Variants in SLC9C2 observed in about 807,000 individuals in gnomAD.
The protein encoded by SLC9C2 is solute carrier family 9 member C2 (putative).
SLC9C2 carries 75 observed loss-of-function variants against 140.2 expected under a neutral mutation model. That is an observed-to-expected ratio of 0.53 (90% CI 0.44 to 0.65). The LOEUF (loss-of-function observed/expected upper bound fraction) is 0.65, where lower values mean the gene tolerates loss of function less well. Ranked by LOEUF, SLC9C2 falls within the 30% of genes least tolerant of loss-of-function variation. The pLI, the probability that SLC9C2 is intolerant of heterozygous loss-of-function variation, is 0.00. For synonymous variants in SLC9C2, 375 were observed against 420.9 expected (o/e 0.89, Z 1.34); for missense variants, 1,074 against 1,331.8 (o/e 0.81, Z 3.01).
At chr1:173,574,375 T>A (rs1451635479) in intron 8 of SLC9C2, among the ~76,000 whole-genome samples, 1 of 152,170 alleles carries the variant, frequency 6.6e-6, no homozygotes, top group East Asian at 1.9e-4. Context: ...GTTCTCCAAG[T>A]GATTTCTATC....
rs769612853 is a variant in SLC9C2 at position 173,521,355 on chromosome 1, A to G, written c.2685T>C (p.Cys895=). ...TTCCTTGTGGCATTTCACCTCCTTT[A>G]CAAATGGTATCTCCAGAGTCAAAAC... is the stretch of plus-strand genomic sequence containing the variant. ...LACFDSGDTI[C]KGGEMPQGIY... Residue 895 remains cysteine, a synonymous_variant, in exon 22 of 28, where the codon TGT becomes TGC. Coordinates refer to ENST00000367714, the MANE Select transcript of SLC9C2 (RefSeq NM_178527.4). 1.5e-5 allele frequency: 23 copies of G among 1,559,544 alleles called. 2 individuals are homozygous for G. The South Asian group carries it at 2.9e-4, about 20-fold the overall frequency.
chr1:173,582,974 G>A (rs1665638410), intron 6 of SLC9C2, among the ~76,000 whole-genome samples: 1 of 152,200 alleles, frequency 6.6e-6, no homozygotes, highest in South Asian at 2.1e-4. Flanking sequence ...GTGCACACAT[G>A]CATTTATGCA....
rs150906421 is a variant in SLC9C2, at chr1:173,581,994, T to C, written c.655A>G (p.Ile219Val). 3.1e-4 allele frequency: 474 copies of C among 1,552,150 alleles called. No homozygotes were observed. The highest frequency in any genetic ancestry group is 1.1e-3 in the Admixed American group (54 of 51,142). Residue 219 changes from isoleucine (I) to valine (V), a missense_variant, in exon 7 of 28, where the codon ATT (isoleucine) becomes GTT (valine). Physicochemically the swap from Ile to Val is conservative, Grantham distance 29. Coordinates refer to ENST00000367714, the MANE Select transcript of SLC9C2 (RefSeq NM_178527.4). The part of the protein sequence containing the change: ...FSIFRDLHVG[I>V]ELSYDILGSI... ...CCCAAAATGTCATAGCTGAGTTCAATGCCTACATGTAAATCTAAAAAAAAG... is the reference window on the plus strand; with the variant it reads ...CCCAAAATGTCATAGCTGAGTTCAACGCCTACATGTAAATCTAAAAAAAAG...
rs556349740 is a variant in SLC9C2 at position 173,515,836 on chromosome 1, T to C, written c.2907+1701A>G. 1.2e-4 allele frequency among the ~76,000 whole-genome samples: 18 copies of C among 152,296 alleles called. No homozygotes were observed. The East Asian group carries it at 3.3e-3, about 28-fold the overall frequency. On this transcript the variant is annotated intron_variant, in intron 23 of 27. Coordinates refer to ENST00000367714, the MANE Select transcript of SLC9C2 (RefSeq NM_178527.4). The stretch of plus-strand genomic sequence containing the variant: ...ATCTTTGAGGCTGTTGACCCTTAGA[T>C]GGGGTTTTTGTGGGGACTTTTTTGT...
At chr1:173,576,092 G>A (rs1665163733) in intron 8 of SLC9C2, among the ~76,000 whole-genome samples, 1 of 152,072 alleles carries the variant, frequency 6.6e-6, no homozygotes, top group Non-Finnish European at 1.5e-5. Context: ...CATCTGATGT[G>A]GGAATTTCTA....
In SLC9C2 at chr1:173,582,002, T is replaced by G; in HGVS notation, c.647A>C (p.His216Pro). 1.3e-6 allele frequency: 2 copies of G among 1,523,566 alleles called. No individual in the cohort carries two copies. The highest frequency in any genetic ancestry group is 1.8e-4 in the Middle Eastern group (1 of 5,698). The allele number at this position is 1,523,566 out of a possible 1,614,324, so 94.4% of individuals were successfully genotyped here. Residue 216 changes from histidine to proline, a missense_variant, in exon 7 of 28, where the codon CAT becomes CCT. By Grantham distance (77) the His-to-Pro change is moderately conservative. Transcript: ENST00000367714. ...GTCATAGCTGAGTTCAATGCCTACA[T>G]GTAAATCTAAAAAAAAGAAAGAAAA... ...RIHFSIFRDL[H>P]VGIELSYDIL...
chr1:173,589,889 CAG>C, intron 4 of SLC9C2, among the ~76,000 whole-genome samples: 1 of 152,206 alleles, frequency 6.6e-6, no homozygotes, highest in East Asian at 1.9e-4. Flanking sequence ...AGATAAAAGA[CAG>C]AGAATTTAAA....
intron 11 of SLC9C2, among the ~76,000 whole-genome samples, chr1:173,552,992 T>C (rs572284861): frequency 2.8e-4 from 43 of 152,356 alleles, no homozygotes; most frequent in African/African-American, 9.6e-4. Context: ...TCATAATTCA[T>C]AGCAGGAGGT....
At chr1:173,525,214 G>A (rs993117701) in intron 19 of SLC9C2, among the ~76,000 whole-genome samples, 3 of 152,004 alleles carry the variant, frequency 2.0e-5, no homozygotes, top group African/African-American at 7.3e-5. Flanking sequence ...ACATTATCAT[G>A]TTACTATTTT....
chr1:173,510,456 C>T (rs1659961085), intron 23 of SLC9C2, among the ~76,000 whole-genome samples: 1 of 152,096 alleles, frequency 6.6e-6, no homozygotes, highest in Non-Finnish European at 1.5e-5. Flanking sequence ...CATGCATTAG[C>T]TATTTATTCT....
intron 13 of SLC9C2, among the ~76,000 whole-genome samples, chr1:173,539,418 G>C (rs1662210311): frequency 6.6e-6 from 1 of 152,222 alleles, no homozygotes; most frequent in Non-Finnish European, 1.5e-5. Context: ...ATAGAGCTTG[G>C]AGAAGGATAG....
intron 9 of SLC9C2, among the ~76,000 whole-genome samples, chr1:173,560,040 A>G (rs566954845): frequency 6.6e-6 from 1 of 152,358 alleles, no homozygotes; most frequent in African/African-American, 2.4e-5. Flanking sequence ...TTCAGAATTT[A>G]ACAAAGTCTT....
intron 26 of SLC9C2, 49 bp downstream of exon 26, chr1:173,505,198 T>C (rs1659548362): frequency 1.4e-6 from 2 of 1,445,416 alleles, no homozygotes; most frequent in Admixed American, 3.5e-5. Context: ...TTACATGTAT[T>C]GAAGTTCCTT....
At chr1:173,549,824 G>T (rs1663127539) in intron 11 of SLC9C2, among the ~76,000 whole-genome samples, 1 of 151,918 alleles carries the variant, frequency 6.6e-6, no homozygotes, top group East Asian at 1.9e-4. Flanking sequence ...AATTTATAGA[G>T]GGGAAAAAAA....
At chr1:173,565,249 C>A (rs912631223) in intron 9 of SLC9C2, among the ~76,000 whole-genome samples, 1 of 152,102 alleles carries the variant, frequency 6.6e-6, no homozygotes, top group African/African-American at 2.4e-5. Context: ...TGATTGCCTG[C>A]ACTTGTGGAT....
chr1:173,503,156 G>C, intron 27 of SLC9C2, 110 bp downstream of exon 27: 9 of 734,816 alleles, frequency 1.2e-5, no homozygotes, highest in Non-Finnish European at 2.0e-5. Flanking sequence ...GTAGCTAGGA[G>C]TGTCTTTTCT....
Position 173,524,114 on chromosome 1 carries a change from A to G in SLC9C2, c.2515-20T>C. The G allele has an allele frequency of 1.3e-6, 2 of 1,593,114 alleles. No homozygotes were observed. Among genetic ancestry groups the G allele is most frequent in the Non-Finnish European group, 1.7e-6 (2 of 1,170,496 alleles). ...AAGTACCTAAAAACAAATAATCAAA[A>G]TAATGGGGATCAGATCCTGTAACAG... On this transcript the variant is annotated intron_variant, in intron 20 of 27. Coordinates refer to ENST00000367714, the MANE Select transcript of SLC9C2 (RefSeq NM_178527.4).
intron 5 of SLC9C2, among the ~76,000 whole-genome samples, chr1:173,584,969 A>C (rs530938655): frequency 2.6e-5 from 4 of 152,182 alleles, no homozygotes; most frequent in Non-Finnish European, 5.9e-5. Context: ...TATTCATTGT[A>C]AAATTTGGAA....
intron 4 of SLC9C2, among the ~76,000 whole-genome samples, chr1:173,590,704 G>A (rs1666112360): frequency 6.6e-6 from 1 of 152,124 alleles, no homozygotes; most frequent in African/African-American, 2.4e-5. Flanking sequence ...TGTTCTATCT[G>A]ATAACAGAGA....
Sources: gnomAD v4.1 joint callset for allele counts (sites outside exome capture counted in the v4.1 genomes callset) on GRCh38, gnomAD v4.1.1 for gene constraint, MANE v1.5 for transcripts, NCBI Gene and HGNC (gene_info 2026-07-23, HGNC 2026-07-21) for gene names.